CLASP1: variants seen among roughly 807,000 people sequenced by gnomAD.
CLASP1 encodes cytoplasmic linker associated protein 1.
In CLASP1, 38 loss-of-function variants were observed where a neutral mutation model predicts 192.3. The ratio of observed to expected loss-of-function variants is 0.20; its 90% CI spans 0.15 to 0.26. The LOEUF is 0.26. Among genes scored for constraint, CLASP1 ranks in the 10% least tolerant of loss-of-function variants. The pLI is 1.00. For synonymous variants in CLASP1, 691 were observed against 712.8 expected (o/e 0.97, Z 0.49); for missense variants, 1,433 against 1,932.5 (o/e 0.74, Z 4.85).
chr2:121,418,224 T>C (rs562069383), intron 23 of CLASP1, among the ~76,000 whole-genome samples: 1 of 152,374 alleles, frequency 6.6e-6, no homozygotes, highest in Admixed American at 6.5e-5. Flanking sequence ...TTAAATTACA[T>C]ATAGACTGAT....
At chr2:121,459,872 G>T in intron 12 of CLASP1, 108 bp downstream of exon 12, 1 of 1,058,486 alleles carries the variant, frequency 9.4e-7, no homozygotes, top group Non-Finnish European at 1.3e-6. Flanking sequence ...TTGGAGACTA[G>T]TCAGAAGTTA....
chr2:121,375,289 CTG>C (rs2069785319), intron 34 of CLASP1, among the ~76,000 whole-genome samples: 3 of 151,942 alleles, frequency 2.0e-5, no homozygotes. Context: ...GCCTTCCCAG[CTG>C]TGACTCCCAT....
intron 18 of CLASP1, among the ~76,000 whole-genome samples, chr2:121,447,956 A>G (rs1043799437): frequency 2.6e-5 from 4 of 152,168 alleles, no homozygotes; most frequent in African/African-American, 9.7e-5. Flanking sequence ...AAACGCCACC[A>G]AGATGTCTTC....
intron 2 of CLASP1, among the ~76,000 whole-genome samples, chr2:121,531,249 A>C (rs527468746): frequency 8.5e-5 from 13 of 152,280 alleles, no homozygotes; most frequent in African/African-American, 2.9e-4. Context: ...CCAGTAGTCT[A>C]GGTCAAGTTT....
intron 30 of CLASP1, among the ~76,000 whole-genome samples, chr2:121,396,837 C>T (rs993441835): frequency 2.6e-5 from 4 of 152,082 alleles, no homozygotes; most frequent in African/African-American, 4.8e-5. Context: ...CTTCAAAGTA[C>T]GTATTACAAA....
intron 34 of CLASP1, among the ~76,000 whole-genome samples, chr2:121,368,534 G>A (rs1162066272): frequency 6.6e-6 from 1 of 151,714 alleles, no homozygotes; most frequent in African/African-American, 2.4e-5. Flanking sequence ...ACATGGTATC[G>A]ACAAGAGCAA....
rs76616571 is a variant in CLASP1, at chr2:121,486,149, A to G, written c.713-16189T>C. ...GAGACTGGGTGACTATAATTATAGT[A>G]ATAATGACAACCACAAGCTTCTTCC... On this transcript the variant is annotated intron_variant, in intron 8 of 39. Transcript: ENST00000263710. Among the ~76,000 whole-genome samples, 1,408 of 152,360 alleles carry G rather than the reference A, an allele frequency of 9.2e-3. 19 individuals are homozygous for G. Among genetic ancestry groups the G allele is most frequent in the African/African-American group, 0.032 (1,350 of 41,576 alleles).
chr2:121,612,757 A>G (rs1171577832), intron 1 of CLASP1, among the ~76,000 whole-genome samples: 2 of 152,200 alleles, frequency 1.3e-5, no homozygotes, highest in Admixed American at 1.3e-4. Context: ...TATTATATTT[A>G]AGACACAATG....
At chr2:121,358,888 A>G (rs1423585476) in intron 37 of CLASP1, among the ~76,000 whole-genome samples, 2 of 152,388 alleles carry the variant, frequency 1.3e-5, no homozygotes, top group East Asian at 3.9e-4. Context: ...GATCCAGCAC[A>G]GTGACATGAA....
intron 2 of CLASP1, among the ~76,000 whole-genome samples, chr2:121,561,608 T>A (rs1012692466): frequency 2.6e-5 from 4 of 152,064 alleles, no homozygotes; most frequent in Non-Finnish European, 4.4e-5. Context: ...TAAAAAAAAA[T>A]TGCAAAAAAA....
chr2:121,404,576 C>T, intron 25 of CLASP1, 142 bp from the exon 27 acceptor site: 2 of 745,294 alleles, frequency 2.7e-6, no homozygotes, highest in Non-Finnish European at 4.4e-6. Flanking sequence ...AAGTGATCCT[C>T]CCACCTCAGC....
chr2:121,581,180 ACT>A (rs1163975875), intron 2 of CLASP1, among the ~76,000 whole-genome samples: 3 of 150,508 alleles, frequency 2.0e-5, no homozygotes, highest in African/African-American at 2.5e-5. Context: ...CACAAAGGTC[ACT>A]CTGCAGAGCA....
At chr2:121,478,771 C>CACACACCCCA (rs2092090040) in intron 8 of CLASP1, among the ~76,000 whole-genome samples, 3 of 44,240 alleles carry the variant, frequency 6.8e-5, no homozygotes, top group African/African-American at 2.2e-4. Context: ...ACCACACACC[C>CACACACCCCA]CACACACACA....
intron 2 of CLASP1, among the ~76,000 whole-genome samples, chr2:121,561,184 G>A (rs548941861): frequency 6.6e-6 from 1 of 152,344 alleles, no homozygotes; most frequent in South Asian, 2.1e-4. Flanking sequence ...TGGGATTACA[G>A]GCATGAGCCA....
chr2:121,384,890 T>A (rs7577725), intron 32 of CLASP1, among the ~76,000 whole-genome samples: 8,494 of 152,134 alleles, frequency 0.056, 270 homozygotes, highest in East Asian at 0.14. Context: ...CTAAATAAAT[T>A]AATTAATTAA....
chr2:121,390,897 G>A (rs922468477), intron 30 of CLASP1, among the ~76,000 whole-genome samples: 11 of 152,074 alleles, frequency 7.2e-5, no homozygotes, highest in Admixed American at 2.0e-4. Flanking sequence ...CATAATCACC[G>A]TGCACTGCAG....
intron 8 of CLASP1, among the ~76,000 whole-genome samples, chr2:121,495,793 A>G (rs2093508177): frequency 6.6e-6 from 1 of 152,254 alleles, no homozygotes; most frequent in African/African-American, 2.4e-5. Context: ...AAAAATGAAT[A>G]TACCCCTAAA....
At chr2:121,489,737 T>A (rs2093193516) in intron 8 of CLASP1, among the ~76,000 whole-genome samples, 1 of 152,248 alleles carries the variant, frequency 6.6e-6, no homozygotes, top group African/African-American at 2.4e-5. Flanking sequence ...ATACTTCTTT[T>A]GTAGTTTTCC....
At chr2:121,360,115 T>C (rs2066091858) in intron 37 of CLASP1, among the ~76,000 whole-genome samples, 1 of 152,208 alleles carries the variant, frequency 6.6e-6, no homozygotes, top group Non-Finnish European at 1.5e-5. Flanking sequence ...GTGCACATGC[T>C]GGTGTGGTAA....
Sources: allele counts gnomAD v4.1 joint callset (sites outside exome capture counted in the v4.1 genomes callset), GRCh38; gene constraint gnomAD v4.1.1; transcripts MANE v1.5; gene names NCBI Gene and HGNC (gene_info 2026-07-23, HGNC 2026-07-21).